AGBL2: variants seen among roughly 807,000 people sequenced by gnomAD.
The protein encoded by AGBL2 is cytosolic carboxypeptidase 2.
AGBL2 carries 87 observed loss-of-function variants against 103.0 expected under a neutral mutation model. That is an observed-to-expected ratio of 0.84 (90% CI 0.71 to 1.01). The LOEUF (loss-of-function observed/expected upper bound fraction) is 1.01. Among genes scored for constraint, AGBL2 ranks in the 50% least tolerant of loss-of-function variants. AGBL2 has a pLI of 0.00. For missense variants in AGBL2, 904 were observed against 1,023.5 expected (o/e 0.88, Z 1.59); for synonymous variants, 335 against 356.7 (o/e 0.94, Z 0.69).
At chr11:47,700,259 G>A (rs554272359) in intron 7 of AGBL2, among the ~76,000 whole-genome samples, 86 of 152,150 alleles carry the variant, frequency 5.7e-4, no homozygotes, top group African/African-American at 1.8e-3. Context: ...GCCTAGCGAA[G>A]GCTTTTTCAT....
At chr11:47,695,612 A>G (rs2097466319) in intron 8 of AGBL2, among the ~76,000 whole-genome samples, 1 of 150,902 alleles carries the variant, frequency 6.6e-6, no homozygotes, top group East Asian at 2.0e-4. Flanking sequence ...GTCTCCACTA[A>G]TAATACAAAA....
At chr11:47,665,497 C>T (rs1344796058) in intron 17 of AGBL2, among the ~76,000 whole-genome samples, 1 of 151,946 alleles carries the variant, frequency 6.6e-6, no homozygotes, top group Non-Finnish European at 1.5e-5. Context: ...TGCCTGGCCA[C>T]CCAGGCTGGA....
intron 17 of AGBL2, among the ~76,000 whole-genome samples, chr11:47,666,152 G>T (rs1395963703): frequency 6.6e-6 from 1 of 152,000 alleles, no homozygotes; most frequent in African/African-American, 2.4e-5. Context: ...CCAGCACTTT[G>T]GGAGGCCAAA....
chr11:47,674,566 C>A (rs1328149668), intron 14 of AGBL2, among the ~76,000 whole-genome samples: 5 of 110,172 alleles, frequency 4.5e-5, no homozygotes, highest in African/African-American at 1.7e-4. Context: ...GACTCCGTCT[C>A]AAAAAAAAAA....
rs1293145884 is a variant in AGBL2 at position 47,702,405 on chromosome 11, A to G, written c.586+2138T>C. On this transcript the variant is annotated intron_variant, in intron 7 of 18. Transcript: ENST00000525123. Reference sequence around the variant, plus strand: ...TCTCTAAGCTGGGTTAGGTATGCTCAGAGGGACCAAGCACTATGCAATTGT... The same window carrying G: ...TCTCTAAGCTGGGTTAGGTATGCTCGGAGGGACCAAGCACTATGCAATTGT... 2.0e-5 allele frequency among the ~76,000 whole-genome samples: 3 copies of G among 152,166 alleles called. No homozygotes were observed. In the East Asian group the frequency reaches 5.8e-4, roughly 29 times the overall value.
At chr11:47,683,652 A>G (rs914257484) in intron 11 of AGBL2, among the ~76,000 whole-genome samples, 2 of 151,392 alleles carry the variant, frequency 1.3e-5, no homozygotes, top group African/African-American at 4.9e-5. Flanking sequence ...TGTGCCTGTA[A>G]TCCCAGCTAC....
chr11:47,671,313 G>A (rs1361858544), intron 14 of AGBL2, among the ~76,000 whole-genome samples: 1 of 151,958 alleles, frequency 6.6e-6, no homozygotes, highest in Non-Finnish European at 1.5e-5. Flanking sequence ...TCAGGAATTC[G>A]AGACAAGCCT....
chr11:47,678,338 A>G (rs7933813), intron 13 of AGBL2, among the ~76,000 whole-genome samples: 1 of 95,246 alleles, frequency 1.0e-5, no homozygotes, highest in African/African-American at 4.4e-5. Flanking sequence ...TTATTTTATT[A>G]TTTTATTTTT....
chr11:47,711,334 A>T (rs1565101290), intron 3 of AGBL2, among the ~76,000 whole-genome samples: 1 of 152,132 alleles, frequency 6.6e-6, no homozygotes, highest in African/African-American at 2.4e-5. Context: ...ACTTTTCATC[A>T]ATTCTGAGGG....
intron 11 of AGBL2, among the ~76,000 whole-genome samples, chr11:47,685,366 G>C (rs1489635031): frequency 6.6e-6 from 1 of 151,832 alleles, no homozygotes; most frequent in African/African-American, 2.4e-5. Context: ...TGCCCACCTC[G>C]GCCTCCCAAA....
chr11:47,706,313 G>A (rs1414713601), intron 4 of AGBL2, among the ~76,000 whole-genome samples: 1 of 151,966 alleles, frequency 6.6e-6, no homozygotes, highest in African/African-American at 2.4e-5. Context: ...TCAGGAGATC[G>A]AGACCATCCT....
rs758895118 is a variant in AGBL2 at position 47,705,652 on chromosome 11, A to AAAAAAG, written c.287-24_287-19dup. ...GTGAAAGTCTGTGTCAAAAAAAAAA[A>AAAAAAG]AAAAAGAAAAAGAAAAAGAAGAAAG... On this transcript the variant is annotated intron_variant, in intron 5 of 18. Coordinates refer to ENST00000525123, the MANE Select transcript of AGBL2 (RefSeq NM_024783.4). 5.1e-6 allele frequency: 3 copies of AAAAAAG among 587,018 alleles called. No individual in the cohort carries two copies. The highest frequency in any genetic ancestry group is 6.1e-6 in the Non-Finnish European group (2 of 328,642). The allele number at this position is 587,018 out of a possible 1,614,324, so 36.4% of individuals were successfully genotyped here. A position where few individuals can be genotyped will look rare whatever the true frequency, so the allele number is the denominator to read the frequency against.
chr11:47,666,711 G>T, intron 17 of AGBL2: 1 of 600,914 alleles, frequency 1.7e-6, no homozygotes, highest in South Asian at 2.0e-5. Flanking sequence ...GGTAAGTAAG[G>T]CAGCCTGTTC....
At chr11:47,663,799 G>T (rs893541208) in intron 17 of AGBL2, among the ~76,000 whole-genome samples, 6 of 150,234 alleles carry the variant, frequency 4.0e-5, no homozygotes, top group African/African-American at 1.5e-4. Context: ...CAGGTGATCC[G>T]CCCGCCTCGG....
intron 4 of AGBL2, among the ~76,000 whole-genome samples, chr11:47,707,070 G>C (rs1295393363): frequency 6.7e-6 from 1 of 149,884 alleles, no homozygotes; most frequent in Non-Finnish European, 1.5e-5. Flanking sequence ...ATGGTGGCAC[G>C]TGCCTGTAAT....
At chr11:47,676,854 C>T (rs1565022951) in intron 14 of AGBL2, among the ~76,000 whole-genome samples, 1 of 150,600 alleles carries the variant, frequency 6.6e-6, no homozygotes, top group South Asian at 2.1e-4. Flanking sequence ...ACCTGTCAAA[C>T]CATGATATTT....
In AGBL2 at chr11:47,680,147, A is replaced by G. The variant is rs2097395748; in HGVS notation, c.1916-74T>C. 9 of 1,050,822 alleles carry G rather than the reference A, an allele frequency of 8.6e-6. No homozygotes were observed. The Admixed American group carries it at 2.1e-4, about 24-fold the overall frequency. The allele number at this position is 1,050,822 out of a possible 1,614,324, so 65.1% of individuals were successfully genotyped here. A position where few individuals can be genotyped will look rare whatever the true frequency, so the allele number is the denominator to read the frequency against. ...CTGAATGTAAATCTAATTTATGATTATCTTTTTAAAAATACCACCACTGGC... is the reference window on the plus strand; with the variant it reads ...CTGAATGTAAATCTAATTTATGATTGTCTTTTTAAAAATACCACCACTGGC... On this transcript the variant is annotated intron_variant, in intron 12 of 18. Coordinates refer to ENST00000525123, the MANE Select transcript of AGBL2 (RefSeq NM_024783.4).
chr11:47,660,219 G>A lies in AGBL2; in HGVS notation c.2663C>T (p.Ala888Val), dbSNP rs1446582774. The change falls in exon 19 of 19, where the codon GCT becomes GTT. Residue 888 changes from alanine to valine, a missense_variant. By Grantham distance (64) the Ala-to-Val change is moderately conservative. Coordinates refer to ENST00000525123, the MANE Select transcript of AGBL2 (RefSeq NM_024783.4). The part of the protein sequence containing the change: ...SRYPATKRGC[A>V]AMAAYPSLHI... ...CAAGGATGGGTATGCCGCCATGGCA[G>A]CACAGCCTCTCTTTGTGGCAGGATA... 11 of 1,614,068 alleles carry A rather than the reference G, an allele frequency of 6.8e-6. No homozygotes were observed. The highest frequency in any genetic ancestry group is 9.3e-6 in the Non-Finnish European group (11 of 1,180,054).
intron 8 of AGBL2, among the ~76,000 whole-genome samples, chr11:47,692,907 C>T (rs527851297): frequency 3.9e-5 from 6 of 152,110 alleles, no homozygotes; most frequent in Admixed American, 1.3e-4. Flanking sequence ...CAGCCTCTAC[C>T]TTTTGTGCTC....
Sources: allele counts gnomAD v4.1 joint callset (sites outside exome capture counted in the v4.1 genomes callset), GRCh38; gene constraint gnomAD v4.1.1; transcripts MANE v1.5; gene names NCBI Gene and HGNC (gene_info 2026-07-23, HGNC 2026-07-21).